PCDHA10: variants seen among roughly 807,000 people sequenced by gnomAD.
PCDHA10 encodes the protein protocadherin alpha-10.
In PCDHA10, 45 loss-of-function variants were observed where a neutral mutation model predicts 61.2. That is an observed-to-expected ratio of 0.74 (90% CI 0.58 to 0.94). PCDHA10 has a LOEUF of 0.94. PCDHA10 is among the 40% of genes least tolerant of loss of function. The pLI is 0.00. For missense variants in PCDHA10, 1,278 were observed against 1,236.2 expected (o/e 1.03, Z -0.51); for synonymous variants, 602 against 548.8 (o/e 1.10, Z -1.35).
chr5:140,928,513 A>AT (rs1563106002), intron 1 of PCDHA10: 1 of 1,614,182 alleles, frequency 6.2e-7, no homozygotes, highest in South Asian at 1.1e-5. Flanking sequence ...AACAGTGACT[A>AT]TAAACTTGTT....
In PCDHA10 at chr5:140,914,736, T is replaced by C. The variant is rs76155363; in HGVS notation, c.2388+56300T>C. Among the ~76,000 whole-genome samples, 1,216 of 152,300 alleles carry C rather than the reference T, an allele frequency of 8.0e-3. 6 individuals are homozygous for C. Among genetic ancestry groups the C allele is most frequent in the African/African-American group, 0.019 (785 of 41,570 alleles). On this transcript the variant is annotated intron_variant, in intron 1 of 3. Transcript: ENST00000307360. ...TTTTTTATTTTTTGTGTATCCATTG[T>C]ATGTTTTTCCATTTGAGGTTACATG...
chr5:140,955,932 A>T (rs907189668), intron 1 of PCDHA10, among the ~76,000 whole-genome samples: 2 of 152,106 alleles, frequency 1.3e-5, no homozygotes, highest in Non-Finnish European at 2.9e-5. Flanking sequence ...GTTCATTCAT[A>T]ATATGGCTGT....
chr5:140,905,963 G>A (rs182775194), intron 1 of PCDHA10, among the ~76,000 whole-genome samples: 9 of 152,308 alleles, frequency 5.9e-5, no homozygotes, highest in Admixed American at 5.9e-4. Flanking sequence ...TCAAGGGGAG[G>A]AAGATCCAGC....
At chr5:140,888,700 T>C (rs534278841) in intron 1 of PCDHA10, among the ~76,000 whole-genome samples, 2 of 152,274 alleles carry the variant, frequency 1.3e-5, no homozygotes, top group Non-Finnish European at 2.9e-5. Flanking sequence ...CTCTGATTGG[T>C]AGGAATGTGA....
At chr5:140,980,160 T>C (rs1408251279) in intron 2 of PCDHA10, among the ~76,000 whole-genome samples, 1 of 152,140 alleles carries the variant, frequency 6.6e-6, no homozygotes, top group East Asian at 1.9e-4. Context: ...TACCAGAATA[T>C]TAGGTATCAG....
chr5:141,009,597 G>A (rs1284925593), intron 3 of PCDHA10, 30 bp from the exon 4 acceptor site: 1 of 1,605,790 alleles, frequency 6.2e-7, no homozygotes, highest in Non-Finnish European at 8.5e-7. Flanking sequence ...TGTTGACCCT[G>A]TTAATGATTT....
chr5:140,947,315 C>T (rs116397497), intron 1 of PCDHA10, among the ~76,000 whole-genome samples: 3,556 of 151,556 alleles, frequency 0.023, 49 homozygotes, highest in Middle Eastern at 0.034. Flanking sequence ...TGTAAAAAGT[C>T]GGTTGACCAT....
In PCDHA10 at chr5:140,869,461, A is replaced by G. The variant is rs372195509; in HGVS notation, c.2388+11025A>G. ...CAGGCCGCTGCAGGTTTTCCATGTG[A>G]ACGTGGAGGTGAAGGACATTAACGA... On this transcript the variant is annotated intron_variant, in intron 1 of 3. Transcript: ENST00000307360. 5.8e-5 allele frequency: 94 copies of G among 1,614,148 alleles called. No homozygotes were observed. In the African/African-American group the frequency reaches 7.9e-4, roughly 13 times the overall value.
chr5:140,974,975 T>A (rs782637911), intron 1 of PCDHA10, among the ~76,000 whole-genome samples: 1 of 152,222 alleles, frequency 6.6e-6, no homozygotes, highest in African/African-American at 2.4e-5. Context: ...GTGGCTGAGT[T>A]GTCCGCTCAG....
At chr5:140,875,958 C>G (rs1312300687) in intron 1 of PCDHA10, 4 of 1,614,080 alleles carry the variant, frequency 2.5e-6, no homozygotes, top group Non-Finnish European at 3.4e-6. Flanking sequence ...ATGCGGATAT[C>G]GGCGTAAACT....
chr5:140,905,086 G>A (rs1454643340), intron 1 of PCDHA10, among the ~76,000 whole-genome samples: 1 of 152,056 alleles, frequency 6.6e-6, no homozygotes, highest in Non-Finnish European at 1.5e-5. Flanking sequence ...CTTTCTTTTG[G>A]GTTCTCAGTC....
chr5:140,937,950 T>C (rs1483679576), intron 1 of PCDHA10, among the ~76,000 whole-genome samples: 1 of 152,164 alleles, frequency 6.6e-6, no homozygotes, highest in African/African-American at 2.4e-5. Flanking sequence ...AATTGGCTTT[T>C]GTTGAAAGTA....
chr5:140,914,785 C>G (rs2153531678), intron 1 of PCDHA10, among the ~76,000 whole-genome samples: 1 of 151,672 alleles, frequency 6.6e-6, no homozygotes, highest in Non-Finnish European at 1.5e-5. Context: ...ATCTTATGAC[C>G]CATTATTTTA....
chr5:140,978,440 T>C, intron 1 of PCDHA10, among the ~76,000 whole-genome samples: 1 of 152,244 alleles, frequency 6.6e-6, no homozygotes. Context: ...GCTGGTGTTA[T>C]GACTGGGCAC....
Position 140,896,173 on chromosome 5 carries a change from TTGCTATTGTGAATAG to T in PCDHA10, c.2388+37741_2388+37755del, listed in dbSNP as rs1554186855. On this transcript the variant is annotated intron_variant, in intron 1 of 3. Transcript: ENST00000307360. ...GGGCATTTAGGATTATTCTCTGTCT[TTGCTATTGTGAATAG>T]TGCCATGATGAACATACACATACAT... 2.6e-4 allele frequency among the ~76,000 whole-genome samples: 40 copies of T among 152,340 alleles called. 1 individual carries two copies. The East Asian group carries it at 5.2e-3, about 20-fold the overall frequency.
At position 140,865,331 on chromosome 5, in the gene PCDHA10, TAAAG is replaced by T. The variant is rs2048827631; in HGVS notation, c.2388+6899_2388+6902del. 4 of 152,230 alleles carry T rather than the reference TAAAG, an allele frequency of 2.6e-5. No homozygotes were observed. The South Asian group carries it at 8.3e-4, about 31-fold the overall frequency. The allele number at this position is 152,230 out of a possible 1,614,324, so 9.4% of individuals were successfully genotyped here. On this transcript the variant is annotated intron_variant, in intron 1 of 3. Transcript: ENST00000307360. ...AAATGAGATGGCCTTTAATTCTGTGTAAAGAAATAGTATATTTACATATTGCAGG... is the reference window on the plus strand; with the variant it reads ...AAATGAGATGGCCTTTAATTCTGTGTAAATAGTATATTTACATATTGCAGG...
At chr5:140,875,538 A>C in intron 1 of PCDHA10, 17 of 1,614,126 alleles carry the variant, frequency 1.1e-5, no homozygotes, top group Non-Finnish European at 1.4e-5. Context: ...TGCTCCTTGC[A>C]GCCTGGGAGG....
At chr5:140,893,818 G>A (rs184696543) in intron 1 of PCDHA10, among the ~76,000 whole-genome samples, 14 of 152,114 alleles carry the variant, frequency 9.2e-5, no homozygotes, top group Admixed American at 3.3e-4. Context: ...GTCTGGTACC[G>A]TAGACTACTC....
intron 1 of PCDHA10, chr5:140,969,257 AATC>A (rs782398697): frequency 1.2e-6 from 2 of 1,614,102 alleles, no homozygotes; most frequent in African/African-American, 2.7e-5. Context: ...TGACAGCAGG[AATC>A]TCACAGGCCA....
Sources: gnomAD v4.1 joint callset for allele counts (sites outside exome capture counted in the v4.1 genomes callset) on GRCh38, gnomAD v4.1.1 for gene constraint, MANE v1.5 for transcripts, NCBI Gene and HGNC (gene_info 2026-07-23, HGNC 2026-07-21) for gene names.